ANK2: variants seen among roughly 807,000 people sequenced by gnomAD.
The protein encoded by ANK2 is ankyrin 2.
ANK2 carries 83 observed loss-of-function variants against 360.5 expected under a neutral mutation model. The observed-to-expected ratio is 0.23, with a 90% CI of 0.19 to 0.28. The LOEUF (loss-of-function observed/expected upper bound fraction) is 0.28. ANK2 is among the 10% of genes least tolerant of loss of function. ANK2 has a pLI of 1.00. For missense variants in ANK2, 4,201 were observed against 4,795.7 expected (o/e 0.88, Z 3.66); for synonymous variants, 1,740 against 1,759.5 (o/e 0.99, Z 0.28).
At chr4:112,759,358 T>A in the ANK2 span, among the ~76,000 whole-genome samples, 4 of 152,164 alleles carry the variant, frequency 2.6e-5, no homozygotes, top group Non-Finnish European at 5.9e-5. Context: ...TTGCTCAGGC[T>A]GGTCTCAAAC....
At chr4:112,886,970 A>C (rs4834308) in intron 1 of ANK2, among the ~76,000 whole-genome samples, 23,560 of 152,168 alleles carry the variant, frequency 0.15, 2,312 homozygotes, top group East Asian at 0.35. Context: ...GCGTTCTCCC[A>C]ATTTTTTGCT....
rs370349144 is a variant in ANK2 at position 113,235,555 on chromosome 4, A to G, written c.484-1432A>G. On this transcript the variant is annotated intron_variant, in intron 5 of 45. Transcript: ENST00000357077. ...GCAATTCTCCTGCCTCAGCCTCCCA[A>G]GTAGCTGGGATTACAGGTGCACGCC... Among the ~76,000 whole-genome samples, 8 of 152,210 alleles carry G rather than the reference A, an allele frequency of 5.3e-5. No homozygotes were observed. The East Asian group carries it at 1.4e-3, about 26-fold the overall frequency.
chr4:112,886,712 A>G (rs1396678559), intron 1 of ANK2, among the ~76,000 whole-genome samples: 1 of 152,144 alleles, frequency 6.6e-6, no homozygotes, highest in East Asian at 1.9e-4. Flanking sequence ...CCTAAAAAAG[A>G]ATGTAAAATT....
At chr4:112,826,421 A>G in intron 1 of ANK2, 1 of 1,040,370 alleles carries the variant, frequency 9.6e-7, no homozygotes, top group East Asian at 2.4e-5. Context: ...TTTCCCTACC[A>G]GCAGTAACTT....
intron 8 of ANK2, among the ~76,000 whole-genome samples, chr4:113,241,208 G>A (rs1310053730): frequency 6.6e-6 from 1 of 152,172 alleles, no homozygotes; most frequent in Non-Finnish European, 1.5e-5. Flanking sequence ...ATATGTGATA[G>A]CCAATAAAAT....
At chr4:112,777,864 C>G in the ANK2 span, among the ~76,000 whole-genome samples, 2 of 149,332 alleles carry the variant, frequency 1.3e-5, no homozygotes, top group African/African-American at 2.5e-5. Context: ...GTGATCCGCC[C>G]GCCTCGGCCT....
At chr4:113,189,991 C>A (rs1278115824) in intron 2 of ANK2, among the ~76,000 whole-genome samples, 1 of 151,570 alleles carries the variant, frequency 6.6e-6, no homozygotes, top group African/African-American at 2.4e-5. Context: ...AGAAATTATA[C>A]TCTTATTACT....
Position 113,213,956 on chromosome 4 carries a change from T to TTTA in ANK2, c.384+14849_384+14850insATT, listed in dbSNP as rs1554280492. 195 of 533,458 alleles carry TTTA rather than the reference T, an allele frequency of 3.7e-4. 8 individuals are homozygous for TTTA. The highest frequency in any genetic ancestry group is 1.1e-3 in the African/African-American group (34 of 29,728). The allele number at this position is 533,458 out of a possible 1,614,324, so 33.0% of individuals were successfully genotyped here. On this transcript the variant is annotated intron_variant, in intron 4 of 45. Coordinates refer to ENST00000357077, the MANE Select transcript of ANK2 (RefSeq NM_001148.6). ...AAACGACAAAATGCTGTTTTATTTA[T>TTTA]TTTTTTTTTTTATTTTTTTTTTAAG...
At position 113,069,476 on chromosome 4, in the gene ANK2, A is replaced by G. The variant is rs73843315; in HGVS notation, c.84+19664A>G. The stretch of plus-strand genomic sequence containing the variant: ...CAGGAAAGCACGGGCTAATCCAATC[A>G]ACGAAGATCAGCATAAGGTCATAAG... On this transcript the variant is annotated intron_variant, in intron 1 of 45. Transcript: ENST00000357077. 4.4e-3 allele frequency among the ~76,000 whole-genome samples: 668 copies of G among 152,322 alleles called. 12 individuals carry two copies. The highest frequency in any genetic ancestry group is 0.015 in the African/African-American group (627 of 41,566).
chr4:112,998,092 A>G (rs2049275567), intron 2 of ANK2, among the ~76,000 whole-genome samples: 1 of 152,078 alleles, frequency 6.6e-6, no homozygotes, highest in Non-Finnish European at 1.5e-5. Context: ...TAGAATTATA[A>G]AAAGTCCATT....
chr4:113,070,274 T>A (rs1004250870), intron 1 of ANK2: 1 of 152,186 alleles, frequency 6.6e-6, no homozygotes, highest in African/African-American at 2.4e-5. Flanking sequence ...ATCAGCTTTT[T>A]ATTTTTTTAT....
chr4:112,971,488 G>A (rs1266865302), intron 2 of ANK2, among the ~76,000 whole-genome samples: 2 of 152,140 alleles, frequency 1.3e-5, no homozygotes, highest in African/African-American at 4.8e-5. Context: ...GACCAATATG[G>A]AAAATAGAAC....
At chr4:112,827,056 G>T in intron 1 of ANK2, 2 of 1,280,392 alleles carry the variant, frequency 1.6e-6, no homozygotes, top group South Asian at 2.4e-5. Context: ...CTTAACTGTT[G>T]CTGTGAACTT....
At position 113,356,268 on chromosome 4, in the gene ANK2, T is replaced by G. The variant is rs1060504156; in HGVS notation, c.7650T>G (p.Val2550=). Residue 2550 remains valine (V), a synonymous_variant, in exon 38 of 46, where the codon GTT becomes GTG. Transcript: ENST00000357077. ...TPSSEEVSYE[V]TPKTTDVSTP... ...GCTCTGAAGAAGTCAGCTATGAGGT[T>G]ACACCCAAAACCACAGATGTAAGTA... The G allele has an allele frequency of 6.2e-7, 1 of 1,614,088 alleles. No homozygotes were observed.
At chr4:113,333,283 TA>T in intron 29 of ANK2, 75 bp downstream of exon 29, 1 of 1,546,684 alleles carries the variant, frequency 6.5e-7, no homozygotes, top group Non-Finnish European at 8.9e-7. Flanking sequence ...TCTTATGACC[TA>T]GGGGTGTGTG....
chr4:112,761,429 G>A, the ANK2 span, among the ~76,000 whole-genome samples: 1 of 152,018 alleles, frequency 6.6e-6, no homozygotes, highest in Non-Finnish European at 1.5e-5. Flanking sequence ...GACCATCCTG[G>A]CTAACACGGT....
At chr4:113,187,626 T>C (rs1447541386) in intron 2 of ANK2, among the ~76,000 whole-genome samples, 2 of 152,302 alleles carry the variant, frequency 1.3e-5, no homozygotes, top group Non-Finnish European at 2.9e-5. Flanking sequence ...TCACAGAGTA[T>C]ACAAATATAA....
chr4:112,978,632 A>G (rs973185962), intron 2 of ANK2, among the ~76,000 whole-genome samples: 1 of 152,068 alleles, frequency 6.6e-6, no homozygotes, highest in African/African-American at 2.4e-5. Flanking sequence ...AGGTTTATCG[A>G]CCTTGTGGCA....
intron 2 of ANK2, among the ~76,000 whole-genome samples, chr4:112,957,344 T>A (rs1164699836): frequency 6.6e-6 from 1 of 152,136 alleles, no homozygotes; most frequent in Non-Finnish European, 1.5e-5. Flanking sequence ...AGATCACAGA[T>A]CAACAGGATC....
Sources: gnomAD v4.1 joint callset for allele counts (sites outside exome capture counted in the v4.1 genomes callset) on GRCh38, gnomAD v4.1.1 for gene constraint, MANE v1.5 for transcripts, NCBI Gene and HGNC (gene_info 2026-07-23, HGNC 2026-07-21) for gene names.